Variants in CMSS1 observed in about 807,000 individuals in gnomAD.
CMSS1 encodes protein CMSS1.
Under a neutral mutation model 43.5 loss-of-function variants are expected in CMSS1, and 33 were observed. The ratio of observed to expected loss-of-function variants is 0.76; its 90% CI spans 0.57 to 1.01. The LOEUF (loss-of-function observed/expected upper bound fraction) is 1.01. CMSS1 is among the 50% of genes least tolerant of loss of function. CMSS1 has a pLI of 0.00. For synonymous variants in CMSS1, 115 were observed against 117.2 expected (o/e 0.98, Z 0.12); for missense variants, 313 against 326.4 (o/e 0.96, Z 0.32).
intron 1 of CMSS1, among the ~76,000 whole-genome samples, chr3:100,008,788 T>A (rs777241108): frequency 6.6e-6 from 1 of 152,220 alleles, no homozygotes; most frequent in Non-Finnish European, 1.5e-5. Flanking sequence ...GCCCTTGTAT[T>A]TTGCGTGCAG....
rs1024578015 is a variant in CMSS1 at position 99,924,100 on chromosome 3, C to T, written c.64+106057C>T. 30 of 777,204 alleles carry T rather than the reference C, an allele frequency of 3.9e-5. No homozygotes were observed. The East Asian group carries it at 7.1e-4, about 18-fold the overall frequency. 48.1% of individuals were successfully genotyped at this position (777,204 alleles called of 1,614,324 possible). A position where few individuals can be genotyped will look rare whatever the true frequency, so the allele number is the denominator to read the frequency against. The stretch of plus-strand genomic sequence containing the variant: ...ATAATGTCTTCAAACATATCCTTTT[C>T]CTCACCCTGGACTATGAGATCTTTG... On this transcript the variant is annotated intron_variant, in intron 1 of 9. Coordinates refer to ENST00000421999, the MANE Select transcript of CMSS1 (RefSeq NM_032359.4).
intron 1 of CMSS1, among the ~76,000 whole-genome samples, chr3:99,989,597 A>G (rs1186059315): frequency 1.3e-5 from 2 of 151,828 alleles, no homozygotes; most frequent in South Asian, 2.1e-4. Context: ...ATTTTGAAAT[A>G]TTTTCAGAGA....
chr3:99,968,131 C>T (rs1274378515), intron 1 of CMSS1, among the ~76,000 whole-genome samples: 1 of 152,122 alleles, frequency 6.6e-6, no homozygotes. Context: ...CCTAGCCTTA[C>T]GTGGCAATTT....
intron 1 of CMSS1, among the ~76,000 whole-genome samples, chr3:99,825,853 C>T (rs886643118): frequency 6.7e-6 from 1 of 148,472 alleles, no homozygotes; most frequent in South Asian, 2.1e-4. Context: ...TCTTGGCACA[C>T]TGCAACCTCC....
At chr3:99,947,085 C>G (rs185830768) in intron 1 of CMSS1, among the ~76,000 whole-genome samples, 2 of 135,212 alleles carry the variant, frequency 1.5e-5, no homozygotes, top group East Asian at 4.4e-4. Context: ...TTGCAATGAG[C>G]TGAGATTGTG....
intron 1 of CMSS1, among the ~76,000 whole-genome samples, chr3:99,892,546 C>T (rs1203600478): frequency 6.6e-6 from 1 of 152,168 alleles, no homozygotes; most frequent in East Asian, 1.9e-4. Context: ...GTTCTTGTGG[C>T]TTTGATCTCT....
chr3:100,158,969 A>G (rs2066999872), intron 2 of CMSS1, among the ~76,000 whole-genome samples: 1 of 152,230 alleles, frequency 6.6e-6, no homozygotes, highest in Non-Finnish European at 1.5e-5. Flanking sequence ...AATGCAGTAT[A>G]GTTTAAGGGA....
rs188039221 is a variant in CMSS1, at chr3:99,935,942, A to G, written c.64+117899A>G. 3.7e-3 allele frequency among the ~76,000 whole-genome samples: 562 copies of G among 152,316 alleles called. 3 individuals are homozygous for G. Among genetic ancestry groups the G allele is most frequent in the Non-Finnish European group, 5.4e-3 (366 of 68,028 alleles). ...AATGGCCAAATGTAAATAGAAGTCTATTCTACTCATTACCTTCCTCCAGCA... is the reference window on the plus strand; with the variant it reads ...AATGGCCAAATGTAAATAGAAGTCTGTTCTACTCATTACCTTCCTCCAGCA... On this transcript the variant is annotated intron_variant, in intron 1 of 9. Coordinates refer to ENST00000421999, the MANE Select transcript of CMSS1 (RefSeq NM_032359.4).
chr3:99,850,082 C>A lies in CMSS1; in HGVS notation c.64+32039C>A, dbSNP rs563640451. On this transcript the variant is annotated intron_variant, in intron 1 of 9. Coordinates refer to ENST00000421999, the MANE Select transcript of CMSS1 (RefSeq NM_032359.4). ...ATTAACTTCTCAGTAACTGTTGTTA[C>A]TTTATTTTGCTCCACTTGAAGCTGA... 1.7e-5 allele frequency: 28 copies of A among 1,613,010 alleles called. No homozygotes were observed. In the African/African-American group the frequency reaches 2.4e-4, roughly 14 times the overall value.
chr3:99,917,654 G>A (rs899900659), intron 1 of CMSS1, among the ~76,000 whole-genome samples: 4 of 152,172 alleles, frequency 2.6e-5, no homozygotes, highest in African/African-American at 9.7e-5. Flanking sequence ...TTGATTCATG[G>A]TGGTTGTATT....
intron 1 of CMSS1, among the ~76,000 whole-genome samples, chr3:99,853,686 A>G (rs1201739243): frequency 6.6e-6 from 1 of 152,192 alleles, no homozygotes; most frequent in South Asian, 2.1e-4. Context: ...TGGCATCCCC[A>G]TCTGTTCCCC....
At chr3:100,033,962 A>C (rs1194037321) in intron 1 of CMSS1, among the ~76,000 whole-genome samples, 4 of 152,224 alleles carry the variant, frequency 2.6e-5, no homozygotes, top group African/African-American at 9.6e-5. Context: ...ATATTATTTA[A>C]TCCAGATTTC....
At chr3:99,973,287 C>G (rs1397492562) in intron 1 of CMSS1, among the ~76,000 whole-genome samples, 1 of 152,090 alleles carries the variant, frequency 6.6e-6, no homozygotes, top group East Asian at 1.9e-4. Flanking sequence ...TTTAAATATT[C>G]ATTTGAGAAT....
chr3:99,909,614 G>T lies in CMSS1; in HGVS notation c.64+91571G>T, dbSNP rs566814639. On this transcript the variant is annotated intron_variant, in intron 1 of 9. Coordinates refer to ENST00000421999, the MANE Select transcript of CMSS1 (RefSeq NM_032359.4). ...GAGTAGATTTACTTGAAAAATCTTT[G>T]CATAAAGAAATAATAATACTGCTAA... Among the ~76,000 whole-genome samples the T allele has an allele frequency of 2.5e-4, 38 of 152,216 alleles. 1 individual carries two copies. The South Asian group carries it at 7.7e-3, about 31-fold the overall frequency.
chr3:99,850,143 T>C (rs750219567), intron 1 of CMSS1: 1 of 1,611,512 alleles, frequency 6.2e-7, no homozygotes, highest in African/African-American at 1.3e-5. Flanking sequence ...CAGTTTTCTT[T>C]AATTTTTCAC....
intron 1 of CMSS1, among the ~76,000 whole-genome samples, chr3:99,967,530 C>T (rs937234502): frequency 6.6e-6 from 1 of 152,126 alleles, no homozygotes; most frequent in Non-Finnish European, 1.5e-5. Context: ...CCTCCTGGCT[C>T]CTTGTTTTGT....
chr3:100,132,427 G>C (rs2066716145), intron 1 of CMSS1, among the ~76,000 whole-genome samples: 1 of 152,006 alleles, frequency 6.6e-6, no homozygotes, highest in Non-Finnish European at 1.5e-5. Context: ...TAAATAATTT[G>C]TTAAGATTAA....
chr3:100,024,175 C>T (rs17314245), intron 1 of CMSS1, among the ~76,000 whole-genome samples: 1,781 of 152,284 alleles, frequency 0.012, 23 homozygotes, highest in African/African-American at 0.026. Context: ...TTGTAAATAA[C>T]AGCCATGGGG....
At chr3:99,834,201 G>A (rs905774220) in intron 1 of CMSS1, among the ~76,000 whole-genome samples, 10 of 152,106 alleles carry the variant, frequency 6.6e-5, no homozygotes, top group African/African-American at 1.4e-4. Flanking sequence ...CAAGTTTTAC[G>A]CTTTATACAG....
Sources: gnomAD v4.1 joint callset for allele counts (sites outside exome capture counted in the v4.1 genomes callset) on GRCh38, gnomAD v4.1.1 for gene constraint, MANE v1.5 for transcripts, NCBI Gene and HGNC (gene_info 2026-07-23, HGNC 2026-07-21) for gene names.